The following KIAA1217 variants were observed in gnomAD, a reference collection of about 807,000 sequenced individuals.
KIAA1217 encodes sickle tail protein homolog.
A neutral mutation model predicts 163.9 loss-of-function variants in KIAA1217; 88 were observed. That is an observed-to-expected ratio of 0.54 (90% CI 0.45 to 0.64). The LOEUF is 0.64. KIAA1217 is among the 30% of genes least tolerant of loss of function. The probability of loss-of-function intolerance (pLI) is 0.00; values close to 1 mark genes in which losing one functional copy is unlikely to be tolerated. For missense variants in KIAA1217, 2,372 were observed against 2,475.0 expected (o/e 0.96, Z 0.88); for synonymous variants, 903 against 923.1 (o/e 0.98, Z 0.39).
At chr10:24,545,410 G>A in intron 20 of KIAA1217, 1 of 1,305,928 alleles carries the variant, frequency 7.7e-7, no homozygotes, top group South Asian at 2.0e-5. Flanking sequence ...ACCTCGGGAA[G>A]CAGAGACAAA....
chr10:23,801,480 C>A (rs1051927047), intron 1 of KIAA1217, among the ~76,000 whole-genome samples: 7 of 151,768 alleles, frequency 4.6e-5, no homozygotes, highest in Admixed American at 2.0e-4. Context: ...TATAATCAAA[C>A]AAACAAACAA....
chr10:24,139,883 A>T (rs557136299), intron 2 of KIAA1217, among the ~76,000 whole-genome samples: 1 of 152,328 alleles, frequency 6.6e-6, no homozygotes, highest in Non-Finnish European at 1.5e-5. Flanking sequence ...TAATTTTTAA[A>T]TTTGGCACAG....
rs184024257 is a variant in KIAA1217, at chr10:24,091,755, C to T, written c.-171+84381C>T. Among the ~76,000 whole-genome samples the T allele has an allele frequency of 2.4e-3, 363 of 151,866 alleles. 1 individual carries two copies. Among genetic ancestry groups the T allele is most frequent in the Non-Finnish European group, 3.6e-3 (246 of 68,020 alleles). On this transcript the variant is annotated intron_variant, in intron 2 of 18. Coordinates refer to the KIAA1217 transcript ENST00000376462. ...TTCTTTTCCATAGCAAATGCTTCAC[C>T]GCTGCTAGGCAAGCAAAGGTGCTCT...
At chr10:23,736,845 T>C (rs973056508) in intron 1 of KIAA1217, among the ~76,000 whole-genome samples, 4 of 152,156 alleles carry the variant, frequency 2.6e-5, no homozygotes, top group Admixed American at 2.0e-4. Flanking sequence ...TTTTGAGAGC[T>C]GTTGGTGCAA....
chr10:24,500,538 A>C (rs376638046), intron 8 of KIAA1217, among the ~76,000 whole-genome samples: 3 of 152,076 alleles, frequency 2.0e-5, no homozygotes, highest in East Asian at 1.9e-4. Flanking sequence ...TTTTCTTACT[A>C]AAGGAGTTGT....
At chr10:23,916,305 A>G (rs777447903) in intron 1 of KIAA1217, among the ~76,000 whole-genome samples, 6 of 152,194 alleles carry the variant, frequency 3.9e-5, no homozygotes, top group Non-Finnish European at 7.3e-5. Flanking sequence ...AGTTAAGGCC[A>G]TATTTGAATT....
chr10:23,856,437 C>T (rs1839667648), intron 1 of KIAA1217, among the ~76,000 whole-genome samples: 1 of 152,212 alleles, frequency 6.6e-6, no homozygotes, highest in African/African-American at 2.4e-5. Flanking sequence ...GGGTGCCTCC[C>T]AGTTAGGCTG....
chr10:23,936,584 A>G (rs1481039859), intron 1 of KIAA1217, among the ~76,000 whole-genome samples: 1 of 152,162 alleles, frequency 6.6e-6, no homozygotes, highest in Non-Finnish European at 1.5e-5. Context: ...GTGTAATGCT[A>G]GAGGCTGAGA....
At chr10:23,727,710 A>T (rs751528734) in intron 1 of KIAA1217, among the ~76,000 whole-genome samples, 1 of 152,176 alleles carries the variant, frequency 6.6e-6, no homozygotes, top group Non-Finnish European at 1.5e-5. Context: ...GTTTTGTTAC[A>T]TAAGTATACA....
chr10:24,067,370 C>T (rs1270699205), intron 2 of KIAA1217, among the ~76,000 whole-genome samples: 1 of 152,168 alleles, frequency 6.6e-6, no homozygotes, highest in African/African-American at 2.4e-5. Context: ...CAGACAGGAC[C>T]CTCAGCTGCA....
intron 2 of KIAA1217, chr10:24,158,198 C>G: frequency 2.7e-6 from 2 of 739,308 alleles, no homozygotes; most frequent in Non-Finnish European, 5.1e-6. Flanking sequence ...AGTCCTCTTA[C>G]TGGAGTTACA....
intron 2 of KIAA1217, among the ~76,000 whole-genome samples, chr10:24,036,953 AAAG>A (rs1318301139): frequency 2.6e-5 from 4 of 152,218 alleles, no homozygotes; most frequent in Non-Finnish European, 4.4e-5. Context: ...TGAATAGGCC[AAAG>A]GATGATCAGG....
At position 24,209,284 on chromosome 10, in the gene KIAA1217, A is replaced by T. The variant is rs377616112; in HGVS notation, c.70+21A>T. On this transcript the variant is annotated intron_variant, in intron 1 of 20. Transcript: ENST00000376454. ...GCAGGGTAAGTAACAGACCCATTCA[A>T]AGATGGAGTTACAGGGACGCGTGCC... 14 of 1,596,922 alleles carry T rather than the reference A, an allele frequency of 8.8e-6. 1 individual carries two copies. The Admixed American group carries it at 1.0e-4, about 11-fold the overall frequency.
chr10:24,255,834 A>C lies in KIAA1217; in HGVS notation c.354+35925A>C, dbSNP rs182083345. 2.9e-3 allele frequency among the ~76,000 whole-genome samples: 444 copies of C among 152,296 alleles called. 2 individuals are homozygous for C. Among genetic ancestry groups the C allele is most frequent in the Non-Finnish European group, 5.0e-3 (337 of 68,026 alleles). On this transcript the variant is annotated intron_variant, in intron 2 of 20. Coordinates refer to ENST00000376454, the MANE Select transcript of KIAA1217 (RefSeq NM_019590.5). ...AGTTAAACCTTGTTTAATGGTAATTAAATTGCTTTTCTTCACTTTGAAAAA... is the reference window on the plus strand; with the variant it reads ...AGTTAAACCTTGTTTAATGGTAATTCAATTGCTTTTCTTCACTTTGAAAAA...
At chr10:24,067,669 C>G (rs546449321) in intron 2 of KIAA1217, among the ~76,000 whole-genome samples, 27 of 152,356 alleles carry the variant, frequency 1.8e-4, no homozygotes, top group Non-Finnish European at 3.5e-4. Flanking sequence ...CTCTTCAAAG[C>G]TGTCAGACAG....
At chr10:24,349,929 G>A (rs929438232) in intron 2 of KIAA1217, among the ~76,000 whole-genome samples, 7 of 152,294 alleles carry the variant, frequency 4.6e-5, no homozygotes, top group African/African-American at 1.7e-4. Context: ...TGAAGAGCAG[G>A]CCTTTGGGGG....
intron 2 of KIAA1217, among the ~76,000 whole-genome samples, chr10:24,175,450 TGTGTG>T (rs2065834699): frequency 6.9e-6 from 1 of 144,586 alleles, no homozygotes; most frequent in African/African-American, 2.5e-5. Context: ...TATATGTGTG[TGTGTG>T]TGTGTGTGTG....
chr10:23,730,677 T>C (rs1013098654), intron 1 of KIAA1217, among the ~76,000 whole-genome samples: 1 of 152,210 alleles, frequency 6.6e-6, no homozygotes, highest in Admixed American at 6.5e-5. Context: ...ATCATAATTT[T>C]GTAGTTTTTC....
intron 2 of KIAA1217, among the ~76,000 whole-genome samples, chr10:24,102,990 C>T (rs1354194798): frequency 6.6e-6 from 1 of 152,176 alleles, no homozygotes; most frequent in African/African-American, 2.4e-5. Flanking sequence ...TGCACAAGCT[C>T]TCTCGCCTGC....
Sources: gnomAD v4.1 joint callset for allele counts (sites outside exome capture counted in the v4.1 genomes callset) on GRCh38, gnomAD v4.1.1 for gene constraint, MANE v1.5 for transcripts, NCBI Gene and HGNC (gene_info 2026-07-23, HGNC 2026-07-21) for gene names.